FBXW12: variants seen among roughly 807,000 people sequenced by gnomAD.
FBXW12 encodes the protein F-box and WD repeat domain containing 12.
Under a neutral mutation model 55.3 loss-of-function variants are expected in FBXW12, and 43 were observed. That is an observed-to-expected ratio of 0.78 (90% CI 0.61 to 1.00). The LOEUF (loss-of-function observed/expected upper bound fraction) is 1.00. FBXW12 is among the 50% of genes least tolerant of loss of function. The pLI, the probability that FBXW12 is intolerant of heterozygous loss-of-function variation, is 0.00. For missense variants in FBXW12, 524 were observed against 560.5 expected (o/e 0.93, Z 0.66); for synonymous variants, 184 against 203.8 (o/e 0.90, Z 0.83).
intron 4 of FBXW12, among the ~76,000 whole-genome samples, chr3:48,374,411 T>A (rs1011694464): frequency 5.3e-5 from 8 of 150,750 alleles, no homozygotes; most frequent in African/African-American, 2.0e-4. Flanking sequence ...CACTGCAGCC[T>A]CTGTCTCCTG....
intron 7 of FBXW12, chr3:48,380,149 T>TTTTTTAA: frequency 1.2e-5 from 1 of 86,098 alleles, no homozygotes; most frequent in Admixed American, 1.1e-4. Context: ...AAAAAAAAAA[T>TTTTTTAA]TTTTTTTTTT....
chr3:48,372,544 T>G, intron 1 of FBXW12, 140 bp from the exon 2 acceptor site: 2 of 1,080,492 alleles, frequency 1.9e-6, no homozygotes, highest in Non-Finnish European at 2.6e-6. Context: ...CACTAACAAG[T>G]GGGTTTAGGT....
chr3:48,374,786 T>TTA (rs1269220889), intron 4 of FBXW12, among the ~76,000 whole-genome samples: 1 of 120,116 alleles, frequency 8.3e-6, no homozygotes, highest in Non-Finnish European at 1.7e-5. Flanking sequence ...TTTTTTTTTT[T>TTA]AAAAACAGAG....
chr3:48,381,354 C>T (rs1029951721), intron 8 of FBXW12, among the ~76,000 whole-genome samples: 4 of 152,096 alleles, frequency 2.6e-5, no homozygotes, highest in African/African-American at 9.7e-5. Flanking sequence ...TGGGGGTGAA[C>T]CCATCCCAGT....
chr3:48,383,994 T>C (rs2036812297), intron 10 of FBXW12, among the ~76,000 whole-genome samples: 1 of 152,160 alleles, frequency 6.6e-6, no homozygotes. Context: ...ATAATGTGAG[T>C]CCTCTAACTT....
At chr3:48,384,662 G>A (rs2036820566) in intron 10 of FBXW12, among the ~76,000 whole-genome samples, 1 of 151,980 alleles carries the variant, frequency 6.6e-6, no homozygotes, top group Non-Finnish European at 1.5e-5. Flanking sequence ...CCCCTTACTG[G>A]GTTGAAAATG....
In FBXW12 at chr3:48,372,267, A is replaced by C; in HGVS notation, c.-138A>C. On this transcript the variant is annotated 5_prime_UTR_variant, in exon 1 of 11. Coordinates refer to ENST00000296438, the MANE Select transcript of FBXW12 (RefSeq NM_207102.2). The stretch of plus-strand genomic sequence containing the variant: ...TAAATGCGAGAAGGTAGAAACCCAG[A>C]GGCCATGCTGGCGCTGAGAGATGAG... The C allele has an allele frequency of 1.3e-6, 2 of 1,552,056 alleles. No individual in the cohort carries two copies.
intron 6 of FBXW12, 65 bp downstream of exon 6, chr3:48,378,591 G>A (rs937890517): frequency 2.8e-5 from 37 of 1,299,758 alleles, no homozygotes; most frequent in African/African-American, 1.5e-4. Context: ...TCAGGCATCC[G>A]TGTCACATTA....
In FBXW12 at chr3:48,386,793, A is replaced by C. The variant is rs992047326; in HGVS notation, c.1295+4708A>C. Among the ~76,000 whole-genome samples, 66 of 152,180 alleles carry C rather than the reference A, an allele frequency of 4.3e-4. 1 individual carries two copies. The highest frequency in any genetic ancestry group is 3.7e-3 in the Admixed American group (57 of 15,278). ...TATTGGATATATGGAATTTCTGAAC[A>C]TTAAATCAGCCTTGCATTCCTAGAC... is the stretch of plus-strand genomic sequence containing the variant. On this transcript the variant is annotated intron_variant, in intron 10 of 10. Transcript: ENST00000296438.
At position 48,391,355 on chromosome 3, in the gene FBXW12, C is replaced by CACACAT. The variant is rs1301553701; in HGVS notation, c.1296-3204_1296-3203insCACATA. Among the ~76,000 whole-genome samples, 740 of 141,598 alleles carry CACACAT rather than the reference C, an allele frequency of 5.2e-3. 1 individual carries two copies. Among genetic ancestry groups the CACACAT allele is most frequent in the East Asian group, 0.027 (131 of 4,786 alleles). The allele number at this position is 141,598 out of a possible 152,430, so 92.9% of individuals were successfully genotyped here. A position where few individuals can be genotyped will look rare whatever the true frequency, so the allele number is the denominator to read the frequency against. On this transcript the variant is annotated intron_variant, in intron 10 of 10. Transcript: ENST00000296438. ...ACACACACACACACACACACACACACATATATATATAAAATCAATCATATT... is the reference window on the plus strand; with the variant it reads ...ACACACACACACACACACACACACACACACATATATATATATAAAATCAATCATATT...
chr3:48,373,191 G>C, intron 2 of FBXW12, 117 bp from the exon 3 acceptor site: 1 of 1,489,768 alleles, frequency 6.7e-7, no homozygotes, highest in South Asian at 1.2e-5. Context: ...TTGAGAGCTG[G>C]AATCCCATCT....
At chr3:48,390,456 C>T (rs1045593684) in intron 10 of FBXW12, among the ~76,000 whole-genome samples, 2 of 143,076 alleles carry the variant, frequency 1.4e-5, no homozygotes, top group Admixed American at 7.0e-5. Context: ...ACTCTGTTGC[C>T]CAGGCTGGAG....
intron 4 of FBXW12, among the ~76,000 whole-genome samples, chr3:48,374,962 C>A (rs2036662012): frequency 6.6e-6 from 1 of 151,750 alleles, no homozygotes; most frequent in Non-Finnish European, 1.5e-5. Context: ...ACAGGTTTAG[C>A]ATGTTGGCCA....
chr3:48,374,877 C>T (rs1463835283), intron 4 of FBXW12, among the ~76,000 whole-genome samples: 1 of 147,516 alleles, frequency 6.8e-6, no homozygotes, highest in African/African-American at 2.5e-5. Context: ...TCAAGCAATT[C>T]TCATGCCTCA....
intron 10 of FBXW12, among the ~76,000 whole-genome samples, chr3:48,383,185 G>A (rs2036802188): frequency 6.6e-6 from 1 of 152,114 alleles, no homozygotes; most frequent in African/African-American, 2.4e-5. Flanking sequence ...CATGGTTTTT[G>A]CTCTGTATAT....
At chr3:48,375,240 C>T (rs2107153180) in intron 4 of FBXW12, 114 bp from the exon 5 acceptor site, 1 of 716,692 alleles carries the variant, frequency 1.4e-6, no homozygotes, top group East Asian at 2.7e-5. Flanking sequence ...CTATCTTCTC[C>T]ATATTGTTAC....
At chr3:48,387,700 C>T (rs898957571) in intron 10 of FBXW12, among the ~76,000 whole-genome samples, 2 of 152,064 alleles carry the variant, frequency 1.3e-5, no homozygotes, top group East Asian at 1.9e-4. Flanking sequence ...AGGGGTGTAC[C>T]ACCATGCCAG....
intron 5 of FBXW12, among the ~76,000 whole-genome samples, chr3:48,376,124 G>T (rs1176341256): frequency 6.6e-6 from 1 of 151,738 alleles, no homozygotes; most frequent in Non-Finnish European, 1.5e-5. Flanking sequence ...TGAGATTACA[G>T]GCGCGCGCCA....
intron 10 of FBXW12, among the ~76,000 whole-genome samples, chr3:48,386,000 T>A (rs905311577): frequency 1.3e-5 from 2 of 152,226 alleles, no homozygotes; most frequent in African/African-American, 4.8e-5. Flanking sequence ...GTGCAGAAAC[T>A]TTTTAGGTTG....
Sources: allele counts gnomAD v4.1 joint callset (sites outside exome capture counted in the v4.1 genomes callset), GRCh38; gene constraint gnomAD v4.1.1; transcripts MANE v1.5; gene names NCBI Gene and HGNC (gene_info 2026-07-23, HGNC 2026-07-21).